Variants in B9D1 observed in about 807,000 individuals in gnomAD.
B9D1 encodes the protein B9 domain-containing protein 1.
A neutral mutation model predicts 26.1 loss-of-function variants in B9D1; 20 were observed. The observed-to-expected ratio is 0.77, with a 90% CI of 0.54 to 1.12. The LOEUF is 1.12. B9D1 is among the 50% of genes most tolerant of loss of function. B9D1 has a pLI of 0.00. For synonymous variants in B9D1, 105 were observed against 103.1 expected (o/e 1.02, Z -0.11); for missense variants, 260 against 273.7 (o/e 0.95, Z 0.35).
At chr17:19,363,862 G>C (rs1911421204), upstream of B9D1, 1 of 152,208 alleles carries the variant, frequency 6.6e-6, no homozygotes, top group Non-Finnish European at 1.5e-5. Context: ...TTGATCAGGG[G>C]AGGGAGGCAG....
At chr17:19,344,339 T>TA (rs1037036159) in intron 5 of B9D1, among the ~76,000 whole-genome samples, 49 of 152,284 alleles carry the variant, frequency 3.2e-4, no homozygotes, top group Admixed American at 8.5e-4. Context: ...TCCTCAGCCT[T>TA]ACCTCCCACT....
At chr17:19,343,110 C>T, downstream of B9D1, 1 of 1,424,240 alleles carries the variant, frequency 7.0e-7, no homozygotes, top group Admixed American at 2.9e-5. Flanking sequence ...CAGGAAAGGC[C>T]CAAGAGCCCC....
At chr17:19,369,560 C>G (rs1250895277) in intron 1 of B9D1, among the ~76,000 whole-genome samples, 1 of 151,996 alleles carries the variant, frequency 6.6e-6, no homozygotes, top group African/African-American at 2.4e-5. Flanking sequence ...GCCTGAGTGG[C>G]TGGAGGTTAA....
At position 19,362,540 on chromosome 17, in the gene B9D1, T is replaced by C. The variant is rs781395275; in HGVS notation, c.30A>G (p.Leu10=). The change falls in exon 1 of 7, where the codon CTA becomes CTG. Residue 10 remains leucine, a synonymous_variant. Transcript: ENST00000261499. The part of the protein sequence containing the change: MATASPSVF[L]LMVNGQVESA... ...TCTCCACCTGCCCGTTGACCATGAG[T>C]AGAAAGACGCTAGGACTCGCGGTCG... is the stretch of plus-strand genomic sequence containing the variant. 1.9e-6 allele frequency: 3 copies of C among 1,587,480 alleles called. No individual in the cohort carries two copies. Among genetic ancestry groups the C allele is most frequent in the Admixed American group, 1.8e-5 (1 of 56,860 alleles).
At position 19,372,883 on chromosome 17, in the gene B9D1, T is replaced by C. The variant is rs567742231; in HGVS notation, c.-298+4976A>G. ...CAAAGTTTTTAACCACACCCACTCT[T>C]GCGGCAGAGGGGTGCGAACAGTTGG... On this transcript the variant is annotated intron_variant, in intron 1 of 5. Transcript: ENST00000477478. The surrounding 1 kb of genome is among the most constrained non-coding windows in gnomAD (Gnocchi z 4.4). Among the ~76,000 whole-genome samples, 94 of 152,308 alleles carry C rather than the reference T, an allele frequency of 6.2e-4. No individual in the cohort carries two copies. The highest frequency in any genetic ancestry group is 2.0e-3 in the African/African-American group (83 of 41,576).
At chr17:19,350,138 C>CA (rs752723365) in intron 3 of B9D1, among the ~76,000 whole-genome samples, 26 of 151,618 alleles carry the variant, frequency 1.7e-4, no homozygotes, top group Non-Finnish European at 3.5e-4. Flanking sequence ...AGGCTGGGAG[C>CA]AGTGGCTCAT....
At chr17:19,345,540 C>T (rs1000431344) in intron 5 of B9D1, among the ~76,000 whole-genome samples, 3 of 152,134 alleles carry the variant, frequency 2.0e-5, no homozygotes, top group African/African-American at 7.2e-5. Flanking sequence ...ACCCTAAAGG[C>T]CAGGACTCGA....
At chr17:19,373,571 G>C (rs147601299) in intron 1 of B9D1, among the ~76,000 whole-genome samples, 1 of 151,994 alleles carries the variant, frequency 6.6e-6, no homozygotes, top group African/African-American at 2.4e-5. Flanking sequence ...TTTGTATTTT[G>C]TATTTTTAGC....
intron 1 of B9D1, among the ~76,000 whole-genome samples, chr17:19,373,592 T>A (rs1255310982): frequency 1.3e-5 from 2 of 151,952 alleles, no homozygotes; most frequent in Non-Finnish European, 2.9e-5. Context: ...AGAGACAGGG[T>A]TTCACCATGT....
At position 19,352,538 on chromosome 17, in the gene B9D1, T is replaced by C. The variant is rs1404977892; in HGVS notation, c.245-4658A>G. 9.7e-5 allele frequency among the ~76,000 whole-genome samples: 14 copies of C among 144,794 alleles called. No homozygotes were observed. The Admixed American group carries it at 9.7e-4, about 10-fold the overall frequency. 95.0% of individuals were successfully genotyped at this position (144,794 alleles called of 152,430 possible). On this transcript the variant is annotated intron_variant, in intron 3 of 6. Coordinates refer to ENST00000261499, the MANE Select transcript of B9D1 (RefSeq NM_015681.6). ...AATTTTTTTTTTTTTTTTTTTTTTT[T>C]GAGACGGAGTTTCGCTCTTGTTGCC...
intron 5 of B9D1, chr17:19,344,363 G>A (rs1345747206): frequency 4.2e-6 from 1 of 236,236 alleles, no homozygotes; most frequent in Non-Finnish European, 8.6e-6. Context: ...GTGGGGTCCA[G>A]GACATGTCAC....
At position 19,343,398 on chromosome 17, in the gene B9D1, C is replaced by G. The variant is rs772851974; in HGVS notation, c.536G>C (p.Arg179Thr). 2 of 1,614,174 alleles carry G rather than the reference C, an allele frequency of 1.2e-6. No individual in the cohort carries two copies. The highest frequency in any genetic ancestry group is 3.3e-5 in the Admixed American group (2 of 60,026). The change falls in exon 7 of 7, where the codon AGG becomes ACG. Residue 179 changes from arginine to threonine, a missense_variant. By Grantham distance (71) the Arg-to-Thr change is moderately conservative. Coordinates refer to ENST00000261499, the MANE Select transcript of B9D1 (RefSeq NM_015681.6). Reference protein sequence around the residue: ...LLFNVVTKDMRKLGYDTGPSD... With the variant: ...LLFNVVTKDMTKLGYDTGPSD... The stretch of plus-strand genomic sequence containing the variant: ...AGGCCCAGTGTCATAGCCCAGTTTC[C>G]TCATGTCCTTGGTCACCACGTTGAA...
chr17:19,341,885 T>C (rs755124474), downstream of B9D1, among the ~76,000 whole-genome samples: 68 of 152,184 alleles, frequency 4.5e-4, no homozygotes, highest in Non-Finnish European at 7.8e-4. Context: ...GGGCTGATGG[T>C]TGGCGAAAAG....
In B9D1 at chr17:19,343,179, T is replaced by C; in HGVS notation, c.*140A>G. On this transcript the variant is annotated 3_prime_UTR_variant, in exon 7 of 7. Transcript: ENST00000261499. ...AAGGCAGCCCCAGGCCTAGGCTCTC[T>C]GAAAATGAGACTTTATTATACAAAA... 3 of 1,474,416 alleles carry C rather than the reference T, an allele frequency of 2.0e-6. No individual in the cohort carries two copies. Among genetic ancestry groups the C allele is most frequent in the Admixed American group, 2.3e-5 (1 of 42,658 alleles). 91.3% of individuals were successfully genotyped at this position (1,474,416 alleles called of 1,614,324 possible).
At chr17:19,341,202 A>G, downstream of B9D1, 1 of 1,231,606 alleles carries the variant, frequency 8.1e-7, no homozygotes, top group Non-Finnish European at 1.0e-6. Flanking sequence ...TGAGGCTTGT[A>G]CGTGCACACC....
Position 19,347,031 on chromosome 17 carries a change from C to T in B9D1, c.404+238G>A. ...GACAAGAGTTTTTCCTCTGCTCCCT[C>T]AGACACAAAGATTTTTCACAGGGCA... On this transcript the variant is annotated intron_variant, in intron 5 of 6. Transcript: ENST00000261499. This position sits in a 1 kb window ranked among gnomAD's most constrained non-coding sequence, Gnocchi z 4.3. 1.3e-6 allele frequency: 2 copies of T among 1,546,860 alleles called. No homozygotes were observed. Among genetic ancestry groups the T allele is most frequent in the Middle Eastern group, 2.2e-4 (1 of 4,480 alleles).
chr17:19,351,198 G>A lies in B9D1; in HGVS notation c.245-3318C>T, dbSNP rs143200719. Among the ~76,000 whole-genome samples the A allele has an allele frequency of 3.7e-3, 556 of 152,096 alleles. 3 individuals are homozygous for A. The highest frequency in any genetic ancestry group is 0.013 in the African/African-American group (521 of 41,466). On this transcript the variant is annotated intron_variant, in intron 3 of 6. Transcript: ENST00000261499. ...TTATTTAGAGACAGGGTCTTGCTAC[G>A]TTGCCCAGGTTAGTCTCAAACTCCT...
upstream of B9D1, among the ~76,000 whole-genome samples, chr17:19,365,503 T>C (rs1267937062): frequency 1.3e-5 from 2 of 152,342 alleles, no homozygotes; most frequent in African/African-American, 4.8e-5. The surrounding 1 kb of genome is among the most constrained non-coding windows in gnomAD (Gnocchi z 5.0). Flanking sequence ...TCCAGGAAGA[T>C]GCTGGCCTGG....
At chr17:19,352,514 ATTTTT>A (rs34659490) in intron 3 of B9D1, among the ~76,000 whole-genome samples, 9 of 95,136 alleles carry the variant, frequency 9.5e-5, no homozygotes, top group Non-Finnish European at 1.4e-4. Flanking sequence ...GGCCTGGCTA[ATTTTT>A]TTTTTTTTTT....
Sources: allele counts gnomAD v4.1 joint callset (sites outside exome capture counted in the v4.1 genomes callset), GRCh38; gene constraint gnomAD v4.1.1; non-coding constraint Gnocchi (gnomAD v3.1); transcripts MANE v1.5; gene names NCBI Gene and HGNC (gene_info 2026-07-23, HGNC 2026-07-21).